Variants in INPP4B observed in about 807,000 individuals in gnomAD.
INPP4B encodes the protein inositol polyphosphate 4-phosphatase type II.
In INPP4B, 55 loss-of-function variants were observed where a neutral mutation model predicts 122.5. The ratio of observed to expected loss-of-function variants is 0.45; its 90% CI spans 0.36 to 0.56. INPP4B has a LOEUF of 0.56. Ranked by LOEUF, INPP4B falls within the 20% of genes least tolerant of loss-of-function variation. The probability of loss-of-function intolerance (pLI) is 0.00; values close to 1 mark genes in which losing one functional copy is unlikely to be tolerated. For synonymous variants in INPP4B, 403 were observed against 388.7 expected (o/e 1.04, Z -0.43); for missense variants, 1,000 against 1,097.7 (o/e 0.91, Z 1.26).
chr4:142,215,414 C>T (rs922317443), intron 12 of INPP4B, among the ~76,000 whole-genome samples: 1 of 152,134 alleles, frequency 6.6e-6, no homozygotes, highest in Non-Finnish European at 1.5e-5. Flanking sequence ...CATTTGTAAA[C>T]GTTCACGTGC....
intron 25 of INPP4B, among the ~76,000 whole-genome samples, chr4:142,074,035 C>T (rs1396741328): frequency 6.6e-6 from 1 of 152,002 alleles, no homozygotes; most frequent in Non-Finnish European, 1.5e-5. Context: ...GTCACAGGCT[C>T]CTGTCATAGC....
At chr4:142,122,482 T>C (rs1796960829) in intron 20 of INPP4B, among the ~76,000 whole-genome samples, 1 of 151,430 alleles carries the variant, frequency 6.6e-6, no homozygotes, top group South Asian at 2.1e-4. Context: ...ACGTGGACAT[T>C]TGCTGTGAGG....
At chr4:142,687,544 C>A (rs1580708655) in intron 2 of INPP4B, among the ~76,000 whole-genome samples, 7 of 126,002 alleles carry the variant, frequency 5.6e-5, no homozygotes, top group Admixed American at 1.7e-4. Context: ...TTTTCTTTCC[C>A]AATTATCCTT....
At chr4:142,390,670 A>G (rs1042794111) in intron 7 of INPP4B, among the ~76,000 whole-genome samples, 1 of 152,270 alleles carries the variant, frequency 6.6e-6, no homozygotes, top group African/African-American at 2.4e-5. Flanking sequence ...TATGTTATCA[A>G]TATCTTCCAA....
chr4:142,551,893 G>T (rs527412082), intron 2 of INPP4B, among the ~76,000 whole-genome samples: 194 of 152,320 alleles, frequency 1.3e-3, no homozygotes, highest in African/African-American at 4.4e-3. Context: ...TACTCTAGCT[G>T]ACACTAAGGC....
At chr4:142,628,182 T>A (rs1307493079) in intron 2 of INPP4B, among the ~76,000 whole-genome samples, 1 of 148,666 alleles carries the variant, frequency 6.7e-6, no homozygotes, top group Non-Finnish European at 1.5e-5. Flanking sequence ...CAATGATAGA[T>A]TGGATTAAGA....
chr4:142,579,487 C>A (rs1397773330), intron 2 of INPP4B, among the ~76,000 whole-genome samples: 3 of 151,988 alleles, frequency 2.0e-5, no homozygotes, highest in African/African-American at 7.2e-5. Flanking sequence ...TTCTATACAG[C>A]TGGCTTTTGA....
At chr4:142,345,531 G>A (rs1234217104) in intron 7 of INPP4B, among the ~76,000 whole-genome samples, 1 of 151,942 alleles carries the variant, frequency 6.6e-6, no homozygotes, top group Non-Finnish European at 1.5e-5. Context: ...CACTCAATGT[G>A]CATGGTTTTT....
intron 1 of INPP4B, among the ~76,000 whole-genome samples, chr4:142,840,719 G>C (rs1024459016): frequency 6.6e-6 from 1 of 152,014 alleles, no homozygotes; most frequent in Non-Finnish European, 1.5e-5. Context: ...ATTGCACACT[G>C]CCACCTAGTG....
At chr4:142,532,358 C>A (rs1190736875) in intron 2 of INPP4B, among the ~76,000 whole-genome samples, 1 of 152,124 alleles carries the variant, frequency 6.6e-6, no homozygotes, top group African/African-American at 2.4e-5. Context: ...TCTGCCGGGA[C>A]ACCTTTTACT....
At chr4:142,247,981 A>G (rs1011496868) in intron 11 of INPP4B, among the ~76,000 whole-genome samples, 1 of 152,126 alleles carries the variant, frequency 6.6e-6, no homozygotes, top group Non-Finnish European at 1.5e-5. Context: ...GTATTCTTGT[A>G]TGGAAGAGCC....
intron 12 of INPP4B, among the ~76,000 whole-genome samples, chr4:142,221,689 G>A (rs1484133508): frequency 4.0e-5 from 6 of 151,878 alleles, no homozygotes; most frequent in Admixed American, 3.9e-4. Flanking sequence ...TTGACCAGTA[G>A]AACTCTTCAT....
At chr4:142,358,706 G>A (rs902677846) in intron 7 of INPP4B, among the ~76,000 whole-genome samples, 3 of 147,422 alleles carry the variant, frequency 2.0e-5, no homozygotes, top group Non-Finnish European at 4.5e-5. Flanking sequence ...CCAAGGTTGA[G>A]AGCCATGTCG....
At chr4:142,033,231 TG>T (rs1184406688) in intron 25 of INPP4B, among the ~76,000 whole-genome samples, 1 of 152,180 alleles carries the variant, frequency 6.6e-6, no homozygotes, top group Non-Finnish European at 1.5e-5. Context: ...CAGGGAAGGC[TG>T]GTCCATAAAC....
chr4:142,195,101 A>C lies in INPP4B; in HGVS notation c.1073-1906T>G, dbSNP rs147153994. Among the ~76,000 whole-genome samples, 28 of 152,348 alleles carry C rather than the reference A, an allele frequency of 1.8e-4. No individual in the cohort carries two copies. In the East Asian group the frequency reaches 5.2e-3, roughly 28 times the overall value. On this transcript the variant is annotated intron_variant, in intron 14 of 25. Coordinates refer to ENST00000262992, the MANE Select transcript of INPP4B (RefSeq NM_001101669.3). Reference sequence around the variant, plus strand: ...CCAACAATATACAGAATGACTAAAAATATTATTCAGCCTTTAAAAAGATGG... The same window carrying C: ...CCAACAATATACAGAATGACTAAAACTATTATTCAGCCTTTAAAAAGATGG...
At chr4:142,518,909 A>C (rs969279074) in intron 2 of INPP4B, 1 of 152,100 alleles carries the variant, frequency 6.6e-6, no homozygotes. Context: ...AGCTAGAATC[A>C]CTCAGCCAAG....
intron 20 of INPP4B, 43 bp downstream of exon 20, chr4:142,123,249 T>A: frequency 6.8e-7 from 1 of 1,469,242 alleles, no homozygotes; most frequent in South Asian, 1.4e-5. Context: ...AATGTCCTTC[T>A]GAATAGAAAT....
chr4:142,116,702 G>A, intron 21 of INPP4B, among the ~76,000 whole-genome samples: 1 of 152,120 alleles, frequency 6.6e-6, no homozygotes, highest in Non-Finnish European at 1.5e-5. Context: ...GCCCAAAAGA[G>A]AAAGCAGGAA....
At chr4:142,274,860 AGAT>A (rs774329893) in intron 9 of INPP4B, among the ~76,000 whole-genome samples, 2 of 108,766 alleles carry the variant, frequency 1.8e-5, no homozygotes, top group Admixed American at 1.8e-4. Flanking sequence ...GAGAAGTAAA[AGAT>A]AAGCAGTTCA....
Sources: gnomAD v4.1 joint callset for allele counts (sites outside exome capture counted in the v4.1 genomes callset) on GRCh38, gnomAD v4.1.1 for gene constraint, MANE v1.5 for transcripts, NCBI Gene and HGNC (gene_info 2026-07-23, HGNC 2026-07-21) for gene names.